Variants in JADE3 observed in about 807,000 individuals in gnomAD.
JADE3 encodes the protein protein Jade-3.
A neutral mutation model predicts 50.1 loss-of-function variants in JADE3; 2 were observed. The ratio of observed to expected loss-of-function variants is 0.04; its 90% CI spans 0.02 to 0.13. The LOEUF (loss-of-function observed/expected upper bound fraction) is 0.13. Ranked by LOEUF, JADE3 falls within the 10% of genes least tolerant of loss-of-function variation. The pLI is 1.00. For missense variants in JADE3, 475 were observed against 634.4 expected (o/e 0.75, Z 2.70); for synonymous variants, 218 against 232.9 (o/e 0.94, Z 0.58).
rs374066016 is a variant in JADE3 at position 46,933,808 on chromosome X, C to T, written c.-12+21089C>T. ...AGTGTTTTAGAAAAAGTAATTAGCT[C>T]GGCCAGCTTCTGCCCCAGGATGTAG... On this transcript the variant is annotated intron_variant, in intron 1 of 10. Coordinates refer to ENST00000614628, the MANE Select transcript of JADE3 (RefSeq NM_014735.5). Among the ~76,000 whole-genome samples, 72 of 111,093 alleles carry T rather than the reference C, an allele frequency of 6.5e-4. No homozygotes were observed. In the South Asian group the frequency reaches 0.024, roughly 36 times the overall value.
chrX:46,988,265 G>T (rs782228349), intron 3 of JADE3, among the ~76,000 whole-genome samples: 4 of 110,815 alleles, frequency 3.6e-5, no homozygotes, highest in Non-Finnish European at 5.7e-5. Context: ...AAGCACGTCG[G>T]GGAAGTAATA....
At chrX:47,018,323 A>G (rs782196324) in intron 4 of JADE3, among the ~76,000 whole-genome samples, 36 of 109,790 alleles carry the variant, frequency 3.3e-4, no homozygotes, top group African/African-American at 1.1e-3. Flanking sequence ...AAGGAGCACA[A>G]TGTACAGAGC....
At chrX:46,997,190 C>T (rs1928150035) in intron 3 of JADE3, among the ~76,000 whole-genome samples, 1 of 111,699 alleles carries the variant, frequency 9.0e-6, no homozygotes, top group South Asian at 3.8e-4. Context: ...GCCACCACTA[C>T]TTAACCACTG....
intron 1 of JADE3, among the ~76,000 whole-genome samples, chrX:46,914,100 G>A (rs1465832434): frequency 1.8e-5 from 2 of 111,718 alleles, no homozygotes; most frequent in East Asian, 2.8e-4. Flanking sequence ...AATAATTTAG[G>A]TAAAAACTGG....
chrX:46,941,050 C>T lies in JADE3; in HGVS notation c.-12+28331C>T, dbSNP rs146955430. On this transcript the variant is annotated intron_variant, in intron 1 of 10. Transcript: ENST00000614628. ...ATGGTCCTGTCACCCAGGCAGTGAG[C>T]ATAGTACCTGATAGGTAGTGTTTCA... Among the ~76,000 whole-genome samples the T allele has an allele frequency of 1.0e-4, 11 of 110,420 alleles. No homozygotes were observed. In the East Asian group the frequency reaches 2.3e-3, roughly 23 times the overall value.
intron 4 of JADE3, among the ~76,000 whole-genome samples, chrX:47,018,639 C>T (rs1469719943): frequency 1.8e-5 from 2 of 112,380 alleles, no homozygotes; most frequent in Non-Finnish European, 3.8e-5. Context: ...CGGCCCAGAG[C>T]ACTTTCCTAC....
chrX:47,038,202 G>T (rs782035560), intron 7 of JADE3, among the ~76,000 whole-genome samples: 1 of 111,778 alleles, frequency 8.9e-6, no homozygotes, highest in South Asian at 3.7e-4. Flanking sequence ...TCTGTTGATG[G>T]ACACTTAGCT....
In JADE3 at chrX:47,060,397, A is replaced by G. The variant is rs1160790901; in HGVS notation, c.*1320A>G. The G allele has an allele frequency of 3.6e-5, 4 of 111,859 alleles. No individual in the cohort carries two copies. The highest frequency in any genetic ancestry group is 2.9e-4 in the Admixed American group (3 of 10,446). The allele number at this position is 111,859 out of a possible 1,213,427, so 9.2% of individuals were successfully genotyped here. A position where few individuals can be genotyped will look rare whatever the true frequency, so the allele number is the denominator to read the frequency against. On this transcript the variant is annotated 3_prime_UTR_variant, in exon 11 of 11. Transcript: ENST00000614628. ...TCTAGTTTTGGAAAGTGTAGTGGGA[A>G]TATTCAGACAAAAGAGGCCATTTTC...
intron 7 of JADE3, among the ~76,000 whole-genome samples, chrX:47,036,332 A>G (rs1244682994): frequency 3.6e-5 from 4 of 111,121 alleles, no homozygotes; most frequent in Non-Finnish European, 7.5e-5. Flanking sequence ...GAAGACATTT[A>G]TGCAGCCAAA....
chrX:46,927,208 C>A (rs1363651228), intron 1 of JADE3, among the ~76,000 whole-genome samples: 1 of 112,036 alleles, frequency 8.9e-6, no homozygotes, highest in African/African-American at 3.2e-5. Flanking sequence ...ATGAAGTTAA[C>A]CACTGGTATT....
chrX:46,978,507 AGAAG>A (rs1260643168), intron 1 of JADE3, among the ~76,000 whole-genome samples: 1 of 111,736 alleles, frequency 8.9e-6, no homozygotes, highest in Non-Finnish European at 1.9e-5. Flanking sequence ...AATTGTAGGT[AGAAG>A]GAAGAGCCCT....
chrX:46,937,336 G>C (rs4824597), intron 1 of JADE3, among the ~76,000 whole-genome samples: 16,838 of 110,414 alleles, frequency 0.15, 1,159 homozygotes, highest in East Asian at 0.37. Context: ...TTTGTTTTAT[G>C]ATCTAGGATA....
In JADE3 at chrX:47,051,566, C is replaced by T. The variant is rs1035542395; in HGVS notation, c.973-2592C>T. 1.5e-4 allele frequency among the ~76,000 whole-genome samples: 17 copies of T among 111,324 alleles called. No individual in the cohort carries two copies. The East Asian group carries it at 1.7e-3, about 11-fold the overall frequency. ...CAGCACTTTGGGAGGCCAAGGTGGG[C>T]GGATAACTTGAGGCCAGGAGTTCAA... is the stretch of plus-strand genomic sequence containing the variant. On this transcript the variant is annotated intron_variant, in intron 8 of 10. Transcript: ENST00000614628.
intron 4 of JADE3, among the ~76,000 whole-genome samples, chrX:47,005,694 G>A (rs1556360153): frequency 8.9e-6 from 1 of 112,215 alleles, no homozygotes; most frequent in East Asian, 2.8e-4. Context: ...GAGACTGAGT[G>A]GACAGTCAGG....
intron 4 of JADE3, among the ~76,000 whole-genome samples, chrX:47,017,862 C>T (rs1344523918): frequency 2.7e-5 from 3 of 111,547 alleles, no homozygotes; most frequent in Non-Finnish European, 3.8e-5. Context: ...ACTTGGATGT[C>T]CAGTAGACAT....
chrX:46,932,319 T>C (rs1474149762), intron 1 of JADE3, among the ~76,000 whole-genome samples: 4 of 112,207 alleles, frequency 3.6e-5, no homozygotes, highest in South Asian at 7.4e-4. Flanking sequence ...TGTTAACTTA[T>C]AGATTTTTGC....
chrX:46,943,248 G>C (rs1556342635), intron 1 of JADE3, among the ~76,000 whole-genome samples: 1 of 111,600 alleles, frequency 9.0e-6, no homozygotes, highest in African/African-American at 3.3e-5. Context: ...GAATAATAGT[G>C]GTGAGAATGG....
At chrX:46,968,542 C>T (rs1927415118) in intron 1 of JADE3, among the ~76,000 whole-genome samples, 1 of 111,100 alleles carries the variant, frequency 9.0e-6, no homozygotes, top group East Asian at 2.8e-4. Context: ...CCACTGCACT[C>T]CAGCCTGTGT....
intron 4 of JADE3, among the ~76,000 whole-genome samples, chrX:46,999,912 G>A (rs1928240904): frequency 9.0e-6 from 1 of 111,328 alleles, no homozygotes. Context: ...GGGCTAGTGG[G>A]ACCTACTGGT....
Sources: gnomAD v4.1 joint callset for allele counts (sites outside exome capture counted in the v4.1 genomes callset) on GRCh38, gnomAD v4.1.1 for gene constraint, MANE v1.5 for transcripts, NCBI Gene and HGNC (gene_info 2026-07-23, HGNC 2026-07-21) for gene names.